IGF1: variants seen among roughly 807,000 people sequenced by gnomAD.
IGF1 encodes the protein insulin-like growth factor 1.
Under a neutral mutation model 13.8 loss-of-function variants are expected in IGF1, and 4 were observed. That is an observed-to-expected ratio of 0.29 (90% confidence interval 0.14 to 0.66). The LOEUF (loss-of-function observed/expected upper bound fraction) is 0.66. Ranked by LOEUF, IGF1 falls within the 30% of genes least tolerant of loss-of-function variation. IGF1 has a pLI of 0.78. For missense variants in IGF1, 124 were observed against 188.5 expected (o/e 0.66, Z 2.00); for synonymous variants, 76 against 72.6 (o/e 1.05, Z -0.23).
chr12:102,453,735 T>G (rs536910801), intron 2 of IGF1, among the ~76,000 whole-genome samples: 1 of 152,182 alleles, frequency 6.6e-6, no homozygotes, highest in African/African-American at 2.4e-5. Flanking sequence ...AAAGAATAAA[T>G]GTATGCTCTA....
chr12:102,429,427 T>G (rs1024078440), intron 2 of IGF1, among the ~76,000 whole-genome samples: 1 of 152,202 alleles, frequency 6.6e-6, no homozygotes, highest in African/African-American at 2.4e-5. Flanking sequence ...TGGCCTTCAC[T>G]GAGCCTGTTT....
At chr12:102,481,195 G>A (rs575623920), upstream of IGF1, among the ~76,000 whole-genome samples, 26 of 152,238 alleles carry the variant, frequency 1.7e-4, no homozygotes, top group Non-Finnish European at 3.1e-4. Context: ...AGACTATGCC[G>A]AGCTGTAAAA....
Position 102,436,272 on chromosome 12 carries a change from G to C in IGF1, c.221-16582C>G, listed in dbSNP as rs987806296. Among the ~76,000 whole-genome samples, 9 of 152,182 alleles carry C rather than the reference G, an allele frequency of 5.9e-5. No individual in the cohort carries two copies. In the South Asian group the frequency reaches 6.2e-4, roughly 11 times the overall value. The stretch of plus-strand genomic sequence containing the variant: ...CCTGAAGACAACAAGCCAGGTCTCA[G>C]GAAAGGAAATTAGAGCCTTCACAGA... On this transcript the variant is annotated intron_variant, in intron 2 of 3. Transcript: ENST00000337514.
intron 3 of IGF1, among the ~76,000 whole-genome samples, chr12:102,404,310 A>C (rs970531815): frequency 1.3e-5 from 2 of 152,200 alleles, no homozygotes; most frequent in Non-Finnish European, 2.9e-5. Flanking sequence ...GACCTGGAGA[A>C]GGTGAGAGGT....
At chr12:102,468,901 G>A (rs1336449875) in intron 2 of IGF1, among the ~76,000 whole-genome samples, 1 of 152,216 alleles carries the variant, frequency 6.6e-6, no homozygotes, top group African/African-American at 2.4e-5. Context: ...TGTGGTGTGG[G>A]CTGTAAAACC....
chr12:102,476,705 G>C (rs1442659872), intron 1 of IGF1, among the ~76,000 whole-genome samples: 3 of 152,042 alleles, frequency 2.0e-5, no homozygotes, highest in Admixed American at 2.0e-4. Context: ...TCATCTCTTG[G>C]AGGGACTTAT....
At chr12:102,426,959 C>A (rs1385545520) in intron 2 of IGF1, among the ~76,000 whole-genome samples, 8 of 152,150 alleles carry the variant, frequency 5.3e-5, no homozygotes, top group African/African-American at 1.4e-4. Flanking sequence ...AAGGCTTATG[C>A]CACTGTGGAG....
intron 2 of IGF1, among the ~76,000 whole-genome samples, chr12:102,431,544 G>C (rs924448828): frequency 1.1e-4 from 16 of 152,088 alleles, no homozygotes; most frequent in South Asian, 2.1e-4. Flanking sequence ...TTACATTTTA[G>C]AAAGCTGAGG....
At chr12:102,450,743 A>G (rs906863286) in intron 2 of IGF1, among the ~76,000 whole-genome samples, 2 of 152,218 alleles carry the variant, frequency 1.3e-5, no homozygotes, top group African/African-American at 4.8e-5. Context: ...CAATACAATA[A>G]TATACTTCCA....
chr12:102,425,684 A>G lies in IGF1; in HGVS notation c.221-5994T>C, dbSNP rs545238600. ...TTCCAAGGCCAGGAAGCTAAAGTGC[A>G]AGTCCTAGGGGCGATAACAGCAAGA... On this transcript the variant is annotated intron_variant, in intron 2 of 3. Coordinates refer to ENST00000337514, the MANE Select transcript of IGF1 (RefSeq NM_000618.5). 1.2e-4 allele frequency among the ~76,000 whole-genome samples: 19 copies of G among 152,334 alleles called. No individual in the cohort carries two copies. The East Asian group carries it at 3.7e-3, about 29-fold the overall frequency.
rs538260278 is a variant in IGF1 at position 102,476,838 on chromosome 12, C to G, written c.64-1039G>C. On this transcript the variant is annotated intron_variant, in intron 1 of 3. Coordinates refer to ENST00000337514, the MANE Select transcript of IGF1 (RefSeq NM_000618.5). ...GCAGCAGTCCTGTGGCTCAAGTCTT[C>G]ATCCTCACTCTAAGTAGTAGAAACC... 1.5e-4 allele frequency among the ~76,000 whole-genome samples: 23 copies of G among 152,310 alleles called. No homozygotes were observed. In the South Asian group the frequency reaches 4.8e-3, roughly 32 times the overall value.
intron 2 of IGF1, among the ~76,000 whole-genome samples, chr12:102,450,292 A>G (rs928102012): frequency 1.3e-5 from 2 of 152,234 alleles, no homozygotes; most frequent in Non-Finnish European, 2.9e-5. Context: ...AAATTGCTCC[A>G]TGACAAAGAG....
At position 102,480,364 on chromosome 12, in the gene IGF1, A is replaced by T. The variant is rs779416889; in HGVS notation, c.18T>A (p.Ser6Arg). The change falls in exon 1 of 4, where the codon AGT becomes AGA. Residue 6 changes from serine (S) to arginine (R), a missense_variant. Around this residue, in one of 2 missense-constraint regions of IGF1, gnomAD observed 99 missense variants for 171.4 expected, o/e 0.58. Transcript: ENST00000337514. ...AGCACTTAAATAATTGGGTTGGAAG[A>T]CTGCTGATTTTTCCCATTGCTTCTG... MGKIS[S>R]LPTQLFKCCF... 6.2e-7 allele frequency: 1 copy of T among 1,613,744 alleles called. No homozygotes were observed. The highest frequency in any genetic ancestry group is 1.7e-5 in the Admixed American group (1 of 60,018).
At chr12:102,425,506 C>A (rs188683356) in intron 2 of IGF1, among the ~76,000 whole-genome samples, 2 of 152,164 alleles carry the variant, frequency 1.3e-5, no homozygotes, top group Non-Finnish European at 2.9e-5. Context: ...CAAAGTCTTC[C>A]GTTACCCAAT....
rs552221763 is a variant in IGF1 at position 102,397,886 on chromosome 12, A to T, written c.*4621T>A. The T allele has an allele frequency of 6.6e-6, 1 of 152,242 alleles. No homozygotes were observed. Among genetic ancestry groups the T allele is most frequent in the African/African-American group, 2.4e-5 (1 of 41,466 alleles). 9.4% of individuals were successfully genotyped at this position (152,242 alleles called of 1,614,324 possible). A position where few individuals can be genotyped will look rare whatever the true frequency, so the allele number is the denominator to read the frequency against. On this transcript the variant is annotated 3_prime_UTR_variant, in exon 4 of 4. Transcript: ENST00000337514. ...AGGTTCTGCTCTAATAAATTAGCAC[A>T]ATCTTTTAAGATTAAAAATAGCAAA... is the stretch of plus-strand genomic sequence containing the variant.
intron 3 of IGF1, among the ~76,000 whole-genome samples, chr12:102,412,979 G>C (rs974263528): frequency 1.3e-5 from 2 of 152,194 alleles, no homozygotes; most frequent in African/African-American, 4.8e-5. Flanking sequence ...TAGGCCTTTA[G>C]GGATGACAGA....
Position 102,419,842 on chromosome 12 carries a change from C to T in IGF1, c.221-152G>A, listed in dbSNP as rs1875543570. 4.0e-6 allele frequency: 3 copies of T among 745,298 alleles called. No homozygotes were observed. The East Asian group carries it at 8.1e-5, about 20-fold the overall frequency. The allele number at this position is 745,298 out of a possible 1,614,324, so 46.2% of individuals were successfully genotyped here. On this transcript the variant is annotated intron_variant, in intron 2 of 3. Coordinates refer to ENST00000337514, the MANE Select transcript of IGF1 (RefSeq NM_000618.5). Reference sequence around the variant, plus strand: ...GAAACTTCCCCAATGATTCCTGACCCCACGTATCTTTCTGAATGCCAGTAT... The same window carrying T: ...GAAACTTCCCCAATGATTCCTGACCTCACGTATCTTTCTGAATGCCAGTAT...
chr12:102,395,878 T>A lies in IGF1; in HGVS notation c.*6629A>T, dbSNP rs1873138110. On this transcript the variant is annotated 3_prime_UTR_variant, in exon 4 of 4. Coordinates refer to ENST00000337514, the MANE Select transcript of IGF1 (RefSeq NM_000618.5). ...AACATTATCCAAAAGAACTAATTAA[T>A]CAAACATGACTAATTTTAATGTAAT... 6.6e-6 allele frequency: 1 copy of A among 152,178 alleles called. No individual in the cohort carries two copies. Among genetic ancestry groups the A allele is most frequent in the African/African-American group, 2.4e-5 (1 of 41,448 alleles). 9.4% of individuals were successfully genotyped at this position (152,178 alleles called of 1,614,324 possible).
At chr12:102,477,295 C>G (rs1319814747) in intron 1 of IGF1, among the ~76,000 whole-genome samples, 2 of 149,556 alleles carry the variant, frequency 1.3e-5, no homozygotes, top group Non-Finnish European at 3.0e-5. Flanking sequence ...AAAACCAAAA[C>G]CCCTGTCTCT....
Sources: allele counts gnomAD v4.1 joint callset (sites outside exome capture counted in the v4.1 genomes callset), GRCh38; gene constraint gnomAD v4.1.1; regional missense constraint gnomAD v4.1.1; transcripts MANE v1.5; gene names NCBI Gene and HGNC (gene_info 2026-07-23, HGNC 2026-07-21).